COL5A2: variants seen among roughly 807,000 people sequenced by gnomAD.
COL5A2 encodes collagen type V alpha 2 chain.
COL5A2 carries 23 observed loss-of-function variants against 208.2 expected under a neutral mutation model. The ratio of observed to expected loss-of-function variants is 0.11; its 90% CI spans 0.08 to 0.16. The LOEUF is 0.16. Ranked by LOEUF, COL5A2 falls within the 10% of genes least tolerant of loss-of-function variation. The probability of loss-of-function intolerance (pLI) is 1.00; values close to 1 mark genes in which losing one functional copy is unlikely to be tolerated. For missense variants in COL5A2, 1,590 were observed against 1,956.4 expected, an observed-to-expected ratio of 0.81 and a Z score of 3.53; for synonymous variants, 625 against 628.5, an observed-to-expected ratio of 0.99 and a Z score of 0.08.
the COL5A2 span, among the ~76,000 whole-genome samples, chr2:189,312,584 A>C: frequency 6.6e-6 from 1 of 152,202 alleles, no homozygotes; most frequent in East Asian, 1.9e-4. Context: ...TTTGCCAATG[A>C]CCCAGACAAC....
chr2:189,130,173 G>T (rs1196045016), intron 1 of COL5A2, among the ~76,000 whole-genome samples: 2 of 152,006 alleles, frequency 1.3e-5, no homozygotes, highest in African/African-American at 4.8e-5. Flanking sequence ...TTTCACATGA[G>T]AATTTTCCTT....
the COL5A2 span, among the ~76,000 whole-genome samples, chr2:189,357,976 G>C: frequency 1.3e-5 from 2 of 152,082 alleles, no homozygotes; most frequent in African/African-American, 4.8e-5. Context: ...GGCTAGGGGA[G>C]GGAAAGCCCA....
At chr2:189,288,355 AGAAT>A in the COL5A2 span, among the ~76,000 whole-genome samples, 1 of 152,228 alleles carries the variant, frequency 6.6e-6, no homozygotes, top group Non-Finnish European at 1.5e-5. Context: ...TTGAAAGTAA[AGAAT>A]GATGTATTTT....
At chr2:189,314,518 T>A in the COL5A2 span, among the ~76,000 whole-genome samples, 1 of 151,772 alleles carries the variant, frequency 6.6e-6, no homozygotes, top group Non-Finnish European at 1.5e-5. Context: ...ACATCACAAC[T>A]AAAAGAACTA....
intron 1 of COL5A2, among the ~76,000 whole-genome samples, chr2:189,158,602 A>G (rs1378667647): frequency 5.3e-5 from 8 of 152,054 alleles, no homozygotes; most frequent in African/African-American, 1.9e-4. Flanking sequence ...TACTCTCTCA[A>G]AATTAGTTAG....
chr2:189,201,722 A>T (rs1375792614), intron 1 of COL5A2, among the ~76,000 whole-genome samples: 1 of 152,008 alleles, frequency 6.6e-6, no homozygotes, highest in Non-Finnish European at 1.5e-5. Context: ...GCATGAGGAA[A>T]ATAAAGACAA....
intron 6 of COL5A2, among the ~76,000 whole-genome samples, chr2:189,094,515 T>C (rs1162247798): frequency 4.7e-5 from 7 of 148,194 alleles, no homozygotes; most frequent in South Asian, 2.2e-4. Context: ...CATCCACAAG[T>C]AGAAAAGACG....
At chr2:189,431,894 G>T in the COL5A2 span, among the ~76,000 whole-genome samples, 6 of 152,116 alleles carry the variant, frequency 3.9e-5, no homozygotes, top group Non-Finnish European at 7.4e-5. Context: ...ACACATAATT[G>T]TCAGATTCAC....
At chr2:189,235,475 A>T in the COL5A2 span, among the ~76,000 whole-genome samples, 6 of 151,644 alleles carry the variant, frequency 4.0e-5, no homozygotes, top group African/African-American at 1.2e-4. Context: ...TGTAATCAAC[A>T]CTCAGATTCT....
Position 189,217,865 on chromosome 2 carries a change from A to C in COL5A2, c.-42+7283T>G, listed in dbSNP as rs149973314. On this transcript the variant is annotated intron_variant, in intron 1 of 10. Transcript: ENST00000649966. ...AGAGCACATTCGAGGTGTCCCGCAG[A>C]GTTCATGGAATCACATTCAGCATTA... Among the ~76,000 whole-genome samples the C allele has an allele frequency of 2.7e-3, 412 of 152,298 alleles. 3 individuals carry two copies. Among genetic ancestry groups the C allele is most frequent in the African/African-American group, 9.4e-3 (390 of 41,566 alleles).
chr2:189,425,019 ATT>A, the COL5A2 span, among the ~76,000 whole-genome samples: 1 of 152,202 alleles, frequency 6.6e-6, no homozygotes. Context: ...CAGCCAACTT[ATT>A]TTTGACAAAC....
chr2:189,272,343 G>T, the COL5A2 span, among the ~76,000 whole-genome samples: 3 of 152,124 alleles, frequency 2.0e-5, no homozygotes, highest in Non-Finnish European at 4.4e-5. Context: ...AAAAAAGGAT[G>T]AGTTCATGTC....
chr2:189,332,407 G>C, the COL5A2 span, among the ~76,000 whole-genome samples: 1 of 152,116 alleles, frequency 6.6e-6, no homozygotes, highest in African/African-American at 2.4e-5. Flanking sequence ...TCAAGTCCCC[G>C]TATATTTCAA....
chr2:189,066,275 G>T, intron 23 of COL5A2, 115 bp downstream of exon 23: 1 of 972,936 alleles, frequency 1.0e-6, no homozygotes, highest in Non-Finnish European at 1.7e-6. Flanking sequence ...GTACTGAACT[G>T]TGCAGGGAAC....
At chr2:189,073,272 T>C (rs1293173857) in intron 17 of COL5A2, among the ~76,000 whole-genome samples, 2 of 152,206 alleles carry the variant, frequency 1.3e-5, no homozygotes, top group East Asian at 3.8e-4. Context: ...GACTCAGTTT[T>C]TCCTGTTGCA....
the COL5A2 span, among the ~76,000 whole-genome samples, chr2:189,373,487 C>T: frequency 3.3e-5 from 5 of 152,248 alleles, no homozygotes; most frequent in Non-Finnish European, 5.9e-5. Context: ...GAACCCACAA[C>T]GGAGGGGAAC....
the COL5A2 span, among the ~76,000 whole-genome samples, chr2:189,276,213 C>T: frequency 6.6e-6 from 1 of 152,156 alleles, no homozygotes; most frequent in African/African-American, 2.4e-5. Context: ...ACACAGAATG[C>T]TTATGATTTC....
the COL5A2 span, among the ~76,000 whole-genome samples, chr2:189,352,021 A>G: frequency 2.0e-5 from 3 of 150,684 alleles, no homozygotes; most frequent in Admixed American, 6.6e-5. Flanking sequence ...TCATTGTTCA[A>G]CTCCCACTTA....
chr2:189,126,059 A>G (rs541542827), intron 1 of COL5A2, among the ~76,000 whole-genome samples: 35 of 152,232 alleles, frequency 2.3e-4, no homozygotes, highest in African/African-American at 8.2e-4. Context: ...GATAAATTAC[A>G]AACTCCACTA....
Sources: gnomAD v4.1 joint callset for allele counts (sites outside exome capture counted in the v4.1 genomes callset) on GRCh38, gnomAD v4.1.1 for gene constraint, MANE v1.5 for transcripts, NCBI Gene and HGNC (gene_info 2026-07-23, HGNC 2026-07-21) for gene names.